The following CUX2 variants were observed in gnomAD, a reference collection of about 807,000 sequenced individuals.
The protein encoded by CUX2 is homeobox protein cut-like 2.
CUX2 carries 40 observed loss-of-function variants against 144.8 expected under a neutral mutation model. The observed-to-expected ratio is 0.28, with a 90% CI of 0.21 to 0.36. The LOEUF (loss-of-function observed/expected upper bound fraction) is 0.36, where lower values mean the gene tolerates loss of function less well. Ranked by LOEUF, CUX2 falls within the 10% of genes least tolerant of loss-of-function variation. The pLI is 1.00. For missense variants in CUX2, 1,615 were observed against 1,994.0 expected, an observed-to-expected ratio of 0.81 and a Z score of 3.62; for synonymous variants, 827 against 875.6, an observed-to-expected ratio of 0.94 and a Z score of 0.98.
At chr12:111,264,307 A>T (rs1884273093) in intron 4 of CUX2, among the ~76,000 whole-genome samples, 2 of 152,232 alleles carry the variant, frequency 1.3e-5, no homozygotes, top group South Asian at 4.1e-4. Context: ...TTCCACCTAC[A>T]GAAAATCTAA....
At chr12:111,194,621 T>C (rs1387757948) in intron 1 of CUX2, among the ~76,000 whole-genome samples, 1 of 152,222 alleles carries the variant, frequency 6.6e-6, no homozygotes, top group Non-Finnish European at 1.5e-5. Flanking sequence ...TCCTTTGCCA[T>C]GTCCCCATCC....
Position 111,328,941 on chromosome 12 carries a change from A to ATCTCTCTCTCTCTCTCTCTC in CUX2, c.2927-5485_2927-5466dup, listed in dbSNP as rs1227047616. 2.5e-3 allele frequency among the ~76,000 whole-genome samples: 72 copies of ATCTCTCTCTCTCTCTCTCTC among 28,988 alleles called. 12 individuals are homozygous for ATCTCTCTCTCTCTCTCTCTC. The highest frequency in any genetic ancestry group is 0.011 in the African/African-American group (41 of 3,774). The allele number at this position is 28,988 out of a possible 152,430, so 19.0% of individuals were successfully genotyped here. On this transcript the variant is annotated intron_variant, in intron 18 of 21. Transcript: ENST00000261726. The stretch of plus-strand genomic sequence containing the variant: ...CACTCTGCATTTTTTTGATTCACCT[A>ATCTCTCTCTCTCTCTCTCTC]TCTCTCTCTCTCTCTCTCTCTCTCT...
At chr12:111,105,865 T>A (rs1444728988) in intron 1 of CUX2, among the ~76,000 whole-genome samples, 2 of 116,474 alleles carry the variant, frequency 1.7e-5, no homozygotes, top group East Asian at 4.2e-4. Context: ...ATAATGAGTC[T>A]TTTTTTTTTT....
At chr12:111,076,267 T>G (rs961379987) in intron 1 of CUX2, among the ~76,000 whole-genome samples, 14 of 152,156 alleles carry the variant, frequency 9.2e-5, no homozygotes, top group East Asian at 1.9e-4. Flanking sequence ...AGAACTGATC[T>G]AAGGAGCAAA....
intron 1 of CUX2, among the ~76,000 whole-genome samples, chr12:111,095,920 C>T (rs907076716): frequency 1.3e-5 from 2 of 152,226 alleles, no homozygotes; most frequent in African/African-American, 4.8e-5. Context: ...GAGTGAGTCC[C>T]TGCACATGGT....
chr12:111,264,197 T>C (rs1209416507), intron 4 of CUX2, among the ~76,000 whole-genome samples: 1 of 152,126 alleles, frequency 6.6e-6, no homozygotes. Flanking sequence ...CAGGTGGCAA[T>C]AGAGGCAAGA....
intron 1 of CUX2, among the ~76,000 whole-genome samples, chr12:111,091,378 G>A (rs1282417658): frequency 6.6e-6 from 1 of 152,158 alleles, no homozygotes; most frequent in Non-Finnish European, 1.5e-5. Flanking sequence ...ACACAGCTGG[G>A]GTTGCTGCTG....
At chr12:111,067,447 T>C (rs1460923562) in intron 1 of CUX2, among the ~76,000 whole-genome samples, 1 of 152,202 alleles carries the variant, frequency 6.6e-6, no homozygotes, top group Non-Finnish European at 1.5e-5. Context: ...AGGGAGAGGC[T>C]AAGAGACAGA....
chr12:111,267,941 C>T (rs1316740807), intron 4 of CUX2, among the ~76,000 whole-genome samples: 1 of 152,182 alleles, frequency 6.6e-6, no homozygotes, highest in Non-Finnish European at 1.5e-5. Flanking sequence ...CCTGCCTCAG[C>T]CTCCCAAGCC....
intron 3 of CUX2, among the ~76,000 whole-genome samples, chr12:111,220,904 C>A (rs1181336284): frequency 7.6e-6 from 1 of 132,026 alleles, no homozygotes; most frequent in Non-Finnish European, 1.5e-5. Flanking sequence ...CCATTTCTTT[C>A]TAGTATGGGC....
At position 111,179,320 on chromosome 12, in the gene CUX2, C is replaced by A. The variant is rs1879024622; in HGVS notation, c.64-34880C>A. Among the ~76,000 whole-genome samples, 4 of 152,184 alleles carry A rather than the reference C, an allele frequency of 2.6e-5. No individual in the cohort carries two copies. The South Asian group carries it at 8.3e-4, about 32-fold the overall frequency. ...TGTAAGATGGGCATAATACCAACAC[C>A]CGCCGTGGAGGAGTATTACAAAGAT... On this transcript the variant is annotated intron_variant, in intron 1 of 21. Transcript: ENST00000261726.
chr12:111,257,713 ATCTTCCTCCTCTTCC>A (rs1883911215), intron 3 of CUX2, among the ~76,000 whole-genome samples: 1 of 76,178 alleles, frequency 1.3e-5, no homozygotes, highest in African/African-American at 5.4e-5. Flanking sequence ...CTCATTCTCC[ATCTTCCTCCTCTTCC>A]TCTTCCTCCT....
intron 20 of CUX2, among the ~76,000 whole-genome samples, chr12:111,339,245 G>C (rs1401818865): frequency 1.3e-5 from 2 of 151,590 alleles, no homozygotes; most frequent in Non-Finnish European, 1.5e-5. Context: ...AAAAAAGAAA[G>C]AAACAAAAGG....
In CUX2 at chr12:111,312,474, GCTGAT is replaced by G. The variant is rs148747354; in HGVS notation, c.2002+275_2002+279del. ...CCAGCACTTTGGGAAGCCAAGGCAG[GCTGAT>G]CACCTGAGATCAGGAGTTCGAGACC... On this transcript the variant is annotated intron_variant, in intron 16 of 21. Transcript: ENST00000261726. The surrounding 1 kb of genome is among the most constrained non-coding windows in gnomAD (Gnocchi z 4.3). Among the ~76,000 whole-genome samples the G allele has an allele frequency of 1.6e-3, 240 of 152,288 alleles. 2 individuals are homozygous for G. The highest frequency in any genetic ancestry group is 5.7e-3 in the African/African-American group (236 of 41,562).
At chr12:111,252,461 G>T (rs145051500) in intron 3 of CUX2, among the ~76,000 whole-genome samples, 1 of 152,112 alleles carries the variant, frequency 6.6e-6, no homozygotes, top group South Asian at 2.1e-4. Flanking sequence ...GACTTCTGGG[G>T]CACATCCTGG....
At chr12:111,134,619 T>G (rs1457583390) in intron 1 of CUX2, among the ~76,000 whole-genome samples, 2 of 144,700 alleles carry the variant, frequency 1.4e-5, no homozygotes, top group African/African-American at 5.4e-5. Context: ...TCTCTCTCTC[T>G]CTGTGTGTGT....
chr12:111,089,329 A>G (rs1032752409), intron 1 of CUX2, among the ~76,000 whole-genome samples: 1 of 152,216 alleles, frequency 6.6e-6, no homozygotes, highest in Non-Finnish European at 1.5e-5. Context: ...CAGTTTCCCC[A>G]TCTGAGAAAT....
intron 20 of CUX2, among the ~76,000 whole-genome samples, chr12:111,339,898 T>C (rs1203449716): frequency 6.6e-6 from 1 of 152,188 alleles, no homozygotes; most frequent in Non-Finnish European, 1.5e-5. Flanking sequence ...TCTCTATTTC[T>C]GAAAACAAGA....
intron 4 of CUX2, among the ~76,000 whole-genome samples, chr12:111,285,065 C>T (rs771780124): frequency 1.3e-5 from 2 of 152,126 alleles, no homozygotes; most frequent in South Asian, 2.1e-4. Context: ...GGCCCTGCAC[C>T]CTCCTGAGCA....
Sources: gnomAD v4.1 joint callset for allele counts (sites outside exome capture counted in the v4.1 genomes callset) on GRCh38, gnomAD v4.1.1 for gene constraint, Gnocchi (gnomAD v3.1) non-coding constraint, MANE v1.5 for transcripts, NCBI Gene and HGNC (gene_info 2026-07-23, HGNC 2026-07-21) for gene names.